Variants in PLCL1 observed in about 807,000 individuals in gnomAD.
PLCL1 encodes inactive phospholipase C-like protein 1.
In PLCL1, 41 loss-of-function variants were observed where a neutral mutation model predicts 84.4. The ratio of observed to expected loss-of-function variants is 0.49; its 90% CI spans 0.38 to 0.63. PLCL1 has a LOEUF of 0.63. Among genes scored for constraint, PLCL1 ranks in the 30% least tolerant of loss-of-function variants. PLCL1 has a pLI of 0.00. For missense variants in PLCL1, 1,206 were observed against 1,367.8 expected (o/e 0.88, Z 1.87); for synonymous variants, 490 against 488.3 (o/e 1.00, Z -0.05).
At chr2:197,971,637 C>A (rs1689867486) in intron 1 of PLCL1, among the ~76,000 whole-genome samples, 1 of 152,148 alleles carries the variant, frequency 6.6e-6, no homozygotes, top group African/African-American at 2.4e-5. Flanking sequence ...ATTCCATGTG[C>A]ATAAAATCAC....
chr2:197,922,631 C>T (rs1283112547), intron 1 of PLCL1, among the ~76,000 whole-genome samples: 1 of 143,558 alleles, frequency 7.0e-6, no homozygotes, highest in African/African-American at 2.6e-5. Flanking sequence ...GGCGGCTGGC[C>T]GGGCAGGGGG....
chr2:198,113,053 T>A (rs913336424), intron 5 of PLCL1, among the ~76,000 whole-genome samples: 1 of 151,920 alleles, frequency 6.6e-6, no homozygotes, highest in African/African-American at 2.4e-5. Context: ...TTAGAAGGCA[T>A]AGCATCTATC....
chr2:198,093,625 C>A (rs1693110833), intron 3 of PLCL1, among the ~76,000 whole-genome samples: 1 of 152,080 alleles, frequency 6.6e-6, no homozygotes, highest in Admixed American at 6.5e-5. Flanking sequence ...ACTTAAGTTG[C>A]TTAAATTTTT....
intron 1 of PLCL1, among the ~76,000 whole-genome samples, chr2:198,039,541 G>A (rs187380698): frequency 6.6e-6 from 1 of 152,276 alleles, no homozygotes; most frequent in East Asian, 1.9e-4. Flanking sequence ...TCCCATGAAG[G>A]AGAAAGGACT....
chr2:197,958,479 A>C (rs2105787513), intron 1 of PLCL1, among the ~76,000 whole-genome samples: 1 of 152,196 alleles, frequency 6.6e-6, no homozygotes, highest in Non-Finnish European at 1.5e-5. Context: ...GGGTTAGACA[A>C]GTTTGCTCCA....
intron 1 of PLCL1, among the ~76,000 whole-genome samples, chr2:198,078,356 A>G (rs554790166): frequency 6.6e-6 from 1 of 152,310 alleles, no homozygotes; most frequent in East Asian, 1.9e-4. Context: ...TGAGAATGTC[A>G]TGTATCAACC....
intron 1 of PLCL1, among the ~76,000 whole-genome samples, chr2:197,879,191 A>C (rs1687786588): frequency 6.6e-6 from 1 of 152,186 alleles, no homozygotes; most frequent in Non-Finnish European, 1.5e-5. Context: ...TCTTCTGATT[A>C]ATAACCAGGT....
chr2:197,827,417 C>G (rs1308150821), intron 1 of PLCL1, among the ~76,000 whole-genome samples: 1 of 151,932 alleles, frequency 6.6e-6, no homozygotes, highest in Admixed American at 6.6e-5. Context: ...CATAGTTGCT[C>G]AATATATGTT....
chr2:198,127,524 C>G (rs1328802636), intron 5 of PLCL1, among the ~76,000 whole-genome samples: 1 of 152,082 alleles, frequency 6.6e-6, no homozygotes, highest in Non-Finnish European at 1.5e-5. Context: ...GATATGCTTT[C>G]TCCCTTTGAA....
rs773415674 is a variant in PLCL1, at chr2:197,891,574, AT to A, written c.240+86251del. On this transcript the variant is annotated intron_variant, in intron 1 of 5. Coordinates refer to ENST00000428675, the MANE Select transcript of PLCL1 (RefSeq NM_006226.4). ...TTGACTGTCATACTGAGGGCTTTAGATTTTTTTTTTTTTTTTGATAGGTGAA... is the reference window on the plus strand; with the variant it reads ...TTGACTGTCATACTGAGGGCTTTAGATTTTTTTTTTTTTTTGATAGGTGAA... Among the ~76,000 whole-genome samples the A allele has an allele frequency of 5.1e-3, 725 of 141,662 alleles. 2 individuals carry two copies. The highest frequency in any genetic ancestry group is 9.6e-3 in the African/African-American group (370 of 38,482). The allele number at this position is 141,662 out of a possible 152,430, so 92.9% of individuals were successfully genotyped here.
intron 1 of PLCL1, among the ~76,000 whole-genome samples, chr2:197,830,278 A>C (rs1022049652): frequency 8.5e-5 from 13 of 152,054 alleles, no homozygotes; most frequent in African/African-American, 2.9e-4. Flanking sequence ...CCTTGAAAAA[A>C]GGTTAGAGGG....
chr2:198,057,464 C>T (rs139289091), intron 1 of PLCL1, among the ~76,000 whole-genome samples: 159 of 151,910 alleles, frequency 1.0e-3, no homozygotes, highest in African/African-American at 3.8e-3. Flanking sequence ...ATTGTCATGC[C>T]CATTTCAAAG....
At chr2:198,132,076 C>T (rs1265943827) in intron 5 of PLCL1, among the ~76,000 whole-genome samples, 1 of 152,136 alleles carries the variant, frequency 6.6e-6, no homozygotes, top group Non-Finnish European at 1.5e-5. Flanking sequence ...TCTTTTATTC[C>T]TCTCTATATT....
chr2:198,055,855 C>T (rs998478147), intron 1 of PLCL1, among the ~76,000 whole-genome samples: 5 of 152,034 alleles, frequency 3.3e-5, no homozygotes, highest in African/African-American at 4.8e-5. Flanking sequence ...GTTTCATCAC[C>T]GTGATCAGCG....
rs3056066 is a variant in PLCL1, at chr2:197,804,942, TGCCGCCGCCGCC to T, written c.-145_-134del. 2 of 732,968 alleles carry T rather than the reference TGCCGCCGCCGCC, an allele frequency of 2.7e-6. No individual in the cohort carries two copies. Among genetic ancestry groups the T allele is most frequent in the Non-Finnish European group, 2.0e-6 (1 of 488,928 alleles). The allele number at this position is 732,968 out of a possible 1,614,324, so 45.4% of individuals were successfully genotyped here. ...GAGCGATGTCCCCTCTCCAGAAAGT[TGCCGCCGCCGCC>T]GCCGCCGCCGCCACTGCCGCCGCTG... On this transcript the variant is annotated 5_prime_UTR_variant, in exon 1 of 6. Coordinates refer to ENST00000428675, the MANE Select transcript of PLCL1 (RefSeq NM_006226.4).
chr2:197,972,833 G>A (rs1288509885), intron 1 of PLCL1, among the ~76,000 whole-genome samples: 1 of 152,162 alleles, frequency 6.6e-6, no homozygotes, highest in Non-Finnish European at 1.5e-5. Context: ...GAAAAGCACT[G>A]TGGTTACTTC....
chr2:198,086,528 G>A (rs1024953911), intron 2 of PLCL1, among the ~76,000 whole-genome samples: 5 of 152,086 alleles, frequency 3.3e-5, no homozygotes, highest in African/African-American at 1.2e-4. Context: ...GGCTGACATG[G>A]GAGGATTACT....
At chr2:198,141,417 C>T (rs1196036400) in intron 5 of PLCL1, among the ~76,000 whole-genome samples, 1 of 151,120 alleles carries the variant, frequency 6.6e-6, no homozygotes, top group African/African-American at 2.5e-5. Flanking sequence ...GAATTCCAGG[C>T]CATCTTTGAA....
chr2:198,011,623 G>C (rs1460953716), intron 1 of PLCL1, among the ~76,000 whole-genome samples: 1 of 152,048 alleles, frequency 6.6e-6, no homozygotes, highest in Non-Finnish European at 1.5e-5. Context: ...TGTAGACCCA[G>C]TTGGTCTGTT....
Sources: gnomAD v4.1 joint callset for allele counts (sites outside exome capture counted in the v4.1 genomes callset) on GRCh38, gnomAD v4.1.1 for gene constraint, MANE v1.5 for transcripts, NCBI Gene and HGNC (gene_info 2026-07-23, HGNC 2026-07-21) for gene names.